The following SLBP variants were observed in gnomAD, a reference collection of about 807,000 sequenced individuals.
SLBP encodes the protein stem-loop histone mRNA binding protein, also known as histone RNA hairpin-binding protein.
SLBP carries 29 observed loss-of-function variants against 39.2 expected under a neutral mutation model. The observed-to-expected ratio is 0.74, with a 90% CI of 0.55 to 1.01. The LOEUF is 1.01. Among genes scored for constraint, SLBP ranks in the 50% least tolerant of loss-of-function variants. The probability of loss-of-function intolerance (pLI) is 0.00; values close to 1 mark genes in which losing one functional copy is unlikely to be tolerated. For missense variants in SLBP, 390 were observed against 350.2 expected, an observed-to-expected ratio of 1.11 and a Z score of -0.91; for synonymous variants, 129 against 118.7, an observed-to-expected ratio of 1.09 and a Z score of -0.57.
intron 6 of SLBP, among the ~76,000 whole-genome samples, chr4:1,695,176 C>G (rs1577176242): frequency 6.6e-6 from 1 of 152,154 alleles, no homozygotes; most frequent in Non-Finnish European, 1.5e-5. Context: ...CTAATTTTTC[C>G]AAGTTTCTAC....
chr4:1,712,202 G>A lies in SLBP; in HGVS notation c.-14C>T, dbSNP rs1000662263. On this transcript the variant is annotated 5_prime_UTR_variant, in exon 1 of 8. Coordinates refer to ENST00000489418, the MANE Select transcript of SLBP (RefSeq NM_006527.4). ...GCGGCAGGCCATGGCAGCACGGGCC[G>A]GGCGCGCAGCGCAGGGCCGAGGCTG... The A allele has an allele frequency of 1.0e-5, 13 of 1,246,366 alleles. No individual in the cohort carries two copies. The highest frequency in any genetic ancestry group is 1.2e-5 in the Non-Finnish European group (12 of 998,146). 77.2% of individuals were successfully genotyped at this position (1,246,366 alleles called of 1,614,324 possible).
intron 3 of SLBP, among the ~76,000 whole-genome samples, chr4:1,700,288 A>C (rs1477508158): frequency 6.6e-6 from 1 of 152,128 alleles, no homozygotes. Context: ...AAAAAAGAAA[A>C]ACAAAACATA....
At chr4:1,709,691 A>G (rs144107333) in intron 2 of SLBP, among the ~76,000 whole-genome samples, 69 of 149,502 alleles carry the variant, frequency 4.6e-4, no homozygotes, top group African/African-American at 1.6e-3. Context: ...GGCTCATCGC[A>G]AGCTCCGCCT....
intron 3 of SLBP, 102 bp downstream of exon 3, chr4:1,703,494 A>T: frequency 1.3e-6 from 1 of 777,908 alleles, no homozygotes; most frequent in Non-Finnish European, 2.3e-6. Context: ...TTTGGTCTGG[A>T]GCCCAGACCT....
At chr4:1,697,631 A>G (rs2109116824) in intron 5 of SLBP, among the ~76,000 whole-genome samples, 1 of 151,936 alleles carries the variant, frequency 6.6e-6, no homozygotes, top group African/African-American at 2.4e-5. Flanking sequence ...ACCCAAAGTC[A>G]GGAGTTCGAG....
intron 2 of SLBP, among the ~76,000 whole-genome samples, chr4:1,709,656 A>G (rs1716659031): frequency 7.3e-6 from 1 of 137,848 alleles, no homozygotes; most frequent in African/African-American, 2.7e-5. Flanking sequence ...CTATTGCCCC[A>G]GCTGGAGTGT....
At chr4:1,706,943 G>A (rs1716541276) in intron 2 of SLBP, among the ~76,000 whole-genome samples, 1 of 149,748 alleles carries the variant, frequency 6.7e-6, no homozygotes, top group African/African-American at 2.5e-5. Context: ...GACCAGGCCG[G>A]GCGCAGTGGC....
chr4:1,700,798 C>G (rs1051369765), intron 3 of SLBP, among the ~76,000 whole-genome samples: 2 of 152,110 alleles, frequency 1.3e-5, no homozygotes, highest in African/African-American at 4.8e-5. Context: ...CTCCTGAGCT[C>G]AAGCAATCCT....
intron 2 of SLBP, among the ~76,000 whole-genome samples, chr4:1,706,953 C>T (rs1343439839): frequency 6.6e-6 from 1 of 150,652 alleles, no homozygotes; most frequent in Non-Finnish European, 1.5e-5. Flanking sequence ...GGCGCAGTGG[C>T]TCACGCCTGT....
chr4:1,700,200 G>A, intron 3 of SLBP, 130 bp from the exon 4 acceptor site: 4 of 491,798 alleles, frequency 8.1e-6, no homozygotes, highest in South Asian at 8.3e-5. Flanking sequence ...TGGGCCAAAA[G>A]AAATCTTTGT....
rs369098159 is a variant in SLBP, at chr4:1,711,995, G to C, written c.60-5C>G. On this transcript the variant is annotated splice_region_variant and splice_polypyrimidine_tract_variant and intron_variant, in intron 1 of 7. Coordinates refer to ENST00000489418, the MANE Select transcript of SLBP (RefSeq NM_006527.4). ...CATCGCGCGGGGGACGGCGGGCTGCGGGGAGGGACGCGGTCGGCTGGGCAC... is the reference window on the plus strand; with the variant it reads ...CATCGCGCGGGGGACGGCGGGCTGCCGGGAGGGACGCGGTCGGCTGGGCAC... 1.6e-6 allele frequency: 2 copies of C among 1,288,392 alleles called. No individual in the cohort carries two copies. The highest frequency in any genetic ancestry group is 2.0e-6 in the Non-Finnish European group (2 of 1,017,202). 79.8% of individuals were successfully genotyped at this position (1,288,392 alleles called of 1,614,324 possible). A position where few individuals can be genotyped will look rare whatever the true frequency, so the allele number is the denominator to read the frequency against.
At position 1,693,568 on chromosome 4, in the gene SLBP, T is replaced by A. The variant is rs773724811; in HGVS notation, c.*29A>T. 4 of 1,365,064 alleles carry A rather than the reference T, an allele frequency of 2.9e-6. No homozygotes were observed. The highest frequency in any genetic ancestry group is 4.2e-6 in the Non-Finnish European group (4 of 953,212). 84.6% of individuals were successfully genotyped at this position (1,365,064 alleles called of 1,614,324 possible). On this transcript the variant is annotated 3_prime_UTR_variant, in exon 8 of 8. Transcript: ENST00000489418. ...GCCTTCCACCTAGTCGGGGAGGAGCTGTTTCTCTTCCTGGCCGCCAGGGGG... is the reference window on the plus strand; with the variant it reads ...GCCTTCCACCTAGTCGGGGAGGAGCAGTTTCTCTTCCTGGCCGCCAGGGGG...
chr4:1,701,031 G>C (rs1716303854), intron 3 of SLBP, among the ~76,000 whole-genome samples: 1 of 151,944 alleles, frequency 6.6e-6, no homozygotes, highest in South Asian at 2.1e-4. Context: ...CACCATCTTT[G>C]TACGATTCAG....
intron 2 of SLBP, among the ~76,000 whole-genome samples, chr4:1,707,438 G>A (rs1020497104): frequency 4.9e-4 from 74 of 151,042 alleles, no homozygotes; most frequent in African/African-American, 1.7e-3. Flanking sequence ...CCTGGGAGGT[G>A]GAGGTTGCAC....
intron 2 of SLBP, among the ~76,000 whole-genome samples, chr4:1,710,997 G>C (rs1029473351): frequency 2.7e-5 from 4 of 149,046 alleles, no homozygotes; most frequent in Non-Finnish European, 5.9e-5. Context: ...GCTGCAGTGA[G>C]CCAAGATCGC....
At chr4:1,712,033 A>C in intron 1 of SLBP, 43 bp from the exon 2 acceptor site, 6 of 1,253,148 alleles carry the variant, frequency 4.8e-6, no homozygotes, top group Non-Finnish European at 6.0e-6. Flanking sequence ...GAGGTTCGGG[A>C]CCGCCTTACA....
At chr4:1,696,430 T>C (rs1341242578) in intron 5 of SLBP, 79 bp from the exon 6 acceptor site, 2 of 1,206,656 alleles carry the variant, frequency 1.7e-6, no homozygotes, top group Non-Finnish European at 2.3e-6. Context: ...AACCAAACTA[T>C]GAGATTAGTA....
intron 2 of SLBP, among the ~76,000 whole-genome samples, chr4:1,711,032 CAG>C (rs1415278926): frequency 1.6e-5 from 2 of 123,032 alleles, no homozygotes; most frequent in Admixed American, 2.0e-4. Context: ...GCCTGTGAGA[CAG>C]AGTGAGACCC....
At chr4:1,707,465 G>A (rs1027933981) in intron 2 of SLBP, among the ~76,000 whole-genome samples, 5 of 147,844 alleles carry the variant, frequency 3.4e-5, no homozygotes, top group Non-Finnish European at 6.1e-5. Context: ...CTGGGCAACA[G>A]AACGAGATTC....
Sources: allele counts gnomAD v4.1 joint callset (sites outside exome capture counted in the v4.1 genomes callset), GRCh38; gene constraint gnomAD v4.1.1; transcripts MANE v1.5; gene names NCBI Gene and HGNC (gene_info 2026-07-23, HGNC 2026-07-21).